The following NOSTRIN variants were observed in gnomAD, a reference collection of about 807,000 sequenced individuals.
NOSTRIN encodes nitric oxide synthase trafficking.
Under a neutral mutation model 59.0 loss-of-function variants are expected in NOSTRIN, and 63 were observed. That is an observed-to-expected ratio of 1.07 (90% CI 0.87 to 1.32). The LOEUF (loss-of-function observed/expected upper bound fraction) is 1.32, where lower values mean the gene tolerates loss of function less well. Ranked by LOEUF, NOSTRIN falls within the 40% of genes most tolerant of loss-of-function variation. NOSTRIN has a pLI of 0.00. For missense variants in NOSTRIN, 512 were observed against 473.1 expected, an observed-to-expected ratio of 1.08 and a Z score of -0.76; for synonymous variants, 200 against 165.4, an observed-to-expected ratio of 1.21 and a Z score of -1.61.
intron 10 of NOSTRIN, among the ~76,000 whole-genome samples, chr2:168,852,223 A>G (rs189825778): frequency 2.0e-5 from 3 of 152,302 alleles, no homozygotes; most frequent in African/African-American, 7.2e-5. Flanking sequence ...GGTTCTAGGA[A>G]GTGGGAGTCA....
chr2:168,832,189 AATTTAGTTGGCTAG>A (rs77753714), intron 6 of NOSTRIN, among the ~76,000 whole-genome samples: 5,421 of 152,212 alleles, frequency 0.036, 130 homozygotes, highest in Middle Eastern at 0.11. Context: ...AGTAATTTAA[AATTTAGTTGGCTAG>A]ATGACGTGTG....
intron 8 of NOSTRIN, among the ~76,000 whole-genome samples, chr2:168,849,163 A>G (rs1225186454): frequency 8.6e-5 from 13 of 151,986 alleles, no homozygotes. Flanking sequence ...CTTGAGACAT[A>G]CCCATCTTTC....
intron 7 of NOSTRIN, among the ~76,000 whole-genome samples, chr2:168,835,400 T>C (rs965392552): frequency 1.3e-5 from 2 of 152,186 alleles, no homozygotes; most frequent in African/African-American, 2.4e-5. Flanking sequence ...TAATGTAATT[T>C]GTTCATCAAA....
At position 168,834,209 on chromosome 2, in the gene NOSTRIN, G is replaced by GT. The variant is rs1481704720; in HGVS notation, c.406-17dup. 4.6e-6 allele frequency: 4 copies of GT among 862,718 alleles called. No individual in the cohort carries two copies. The highest frequency in any genetic ancestry group is 6.0e-6 in the Non-Finnish European group (3 of 497,762). 53.4% of individuals were successfully genotyped at this position (862,718 alleles called of 1,614,324 possible). ...GCCTCTGCTCCTTTTTTTCTTGTTT[G>GT]TATGTTTTTTACTCTAGGCCAAGAA... On this transcript the variant is annotated splice_polypyrimidine_tract_variant and intron_variant, in intron 6 of 15. Transcript: ENST00000317647.
Position 168,845,503 on chromosome 2 carries a change from T to C in NOSTRIN, c.630+2386T>C, listed in dbSNP as rs114267915. ...CTGATAACTAGCTTGCCTTCTTCAATATATGTTAGGGAAGGCTATGATTAT... is the reference window on the plus strand; with the variant it reads ...CTGATAACTAGCTTGCCTTCTTCAACATATGTTAGGGAAGGCTATGATTAT... On this transcript the variant is annotated intron_variant, in intron 8 of 15. Transcript: ENST00000317647. Among the ~76,000 whole-genome samples, 407 of 152,328 alleles carry C rather than the reference T, an allele frequency of 2.7e-3. 2 individuals carry two copies. The highest frequency in any genetic ancestry group is 9.3e-3 in the African/African-American group (388 of 41,566).
At chr2:168,802,986 G>A (rs1685670663) in intron 1 of NOSTRIN, among the ~76,000 whole-genome samples, 1 of 152,238 alleles carries the variant, frequency 6.6e-6, no homozygotes, top group Middle Eastern at 3.4e-3. Context: ...TACACCCATG[G>A]TGCCAACATC....
upstream of NOSTRIN, among the ~76,000 whole-genome samples, chr2:168,801,425 A>AT (rs1303689151): frequency 3.4e-5 from 5 of 147,928 alleles, no homozygotes. Context: ...CTCCTGCTAT[A>AT]TTGCCCAGGC....
chr2:168,805,546 T>G (rs917117691), intron 1 of NOSTRIN, among the ~76,000 whole-genome samples: 5 of 152,212 alleles, frequency 3.3e-5, no homozygotes, highest in African/African-American at 1.2e-4. Context: ...CACCTTCCTA[T>G]CAAACAATCA....
At chr2:168,791,596 A>C (rs1221551095) in intron 2 of NOSTRIN, among the ~76,000 whole-genome samples, 1 of 152,184 alleles carries the variant, frequency 6.6e-6, no homozygotes, top group Non-Finnish European at 1.5e-5. Context: ...GAACTAGTTT[A>C]CAGTCCCACC....
upstream of NOSTRIN, among the ~76,000 whole-genome samples, chr2:168,801,954 G>A (rs542089152): frequency 1.6e-4 from 25 of 152,244 alleles, 1 homozygote; most frequent in South Asian, 1.2e-3. Flanking sequence ...GTTAATGTAC[G>A]CTTTGCTCCT....
exon 2 of NOSTRIN, chr2:168,788,038 T>C (rs1685250479): frequency 6.6e-6 from 1 of 151,612 alleles, no homozygotes; most frequent in African/African-American, 2.4e-5. Context: ...AAGAAAATAG[T>C]GATAAGAAAG....
chr2:168,806,362 A>G lies in NOSTRIN; in HGVS notation c.27+3689A>G, dbSNP rs1406936069. ...TTAACCCTCTTAATCATTCAAGCAG[A>G]AAGAGCAGGTGGGCCAAGCTTGATA... On this transcript the variant is annotated intron_variant, in intron 1 of 15. Transcript: ENST00000317647. 5.3e-5 allele frequency among the ~76,000 whole-genome samples: 8 copies of G among 152,266 alleles called. No individual in the cohort carries two copies. In the East Asian group the frequency reaches 1.2e-3, roughly 22 times the overall value.
intron 14 of NOSTRIN, among the ~76,000 whole-genome samples, chr2:168,861,593 T>A (rs1689453062): frequency 6.6e-6 from 1 of 152,154 alleles, no homozygotes; most frequent in Non-Finnish European, 1.5e-5. Flanking sequence ...CAGCTAGGGA[T>A]GATGATAACA....
intron 8 of NOSTRIN, among the ~76,000 whole-genome samples, chr2:168,845,905 C>G (rs1427628807): frequency 6.7e-6 from 1 of 150,292 alleles, no homozygotes; most frequent in African/African-American, 2.5e-5. Flanking sequence ...TTTGCTACCT[C>G]TATGCTGGAG....
chr2:168,801,041 T>G (rs2010230), upstream of NOSTRIN: 134,798 of 151,964 alleles, frequency 0.89, 59,842 homozygotes, highest in East Asian at 0.98. Flanking sequence ...CACTGTGCCT[T>G]ACCTAAATTT....
intron 7 of NOSTRIN, among the ~76,000 whole-genome samples, chr2:168,835,560 G>A (rs1444155497): frequency 6.6e-6 from 1 of 152,106 alleles, no homozygotes; most frequent in Non-Finnish European, 1.5e-5. Context: ...ACAGGTTCTT[G>A]GCAGAAATCC....
chr2:168,792,316 A>G (rs907436963), intron 2 of NOSTRIN, among the ~76,000 whole-genome samples: 4 of 152,128 alleles, frequency 2.6e-5, no homozygotes, highest in African/African-American at 9.7e-5. Flanking sequence ...AAATTTAGTG[A>G]AAGAAAAAAA....
chr2:168,834,877 A>G (rs1196223616), intron 7 of NOSTRIN, among the ~76,000 whole-genome samples: 2 of 152,210 alleles, frequency 1.3e-5, no homozygotes, highest in Admixed American at 6.5e-5. Flanking sequence ...TTATGTTAAT[A>G]TGTTATGAAC....
At chr2:168,856,433 G>T in intron 11 of NOSTRIN, 1 of 428,340 alleles carries the variant, frequency 2.3e-6, no homozygotes, top group Non-Finnish European at 4.3e-6. Flanking sequence ...AAATTAGCCG[G>T]ACATGGTGGC....
Sources: allele counts gnomAD v4.1 joint callset (sites outside exome capture counted in the v4.1 genomes callset), GRCh38; gene constraint gnomAD v4.1.1; transcripts MANE v1.5; gene names NCBI Gene and HGNC (gene_info 2026-07-23, HGNC 2026-07-21).